Variants in PRKN observed in about 807,000 individuals in gnomAD.
PRKN encodes parkin RBR E3 ubiquitin protein ligase, also known as E3 ubiquitin-protein ligase parkin.
A neutral mutation model predicts 59.5 loss-of-function variants in PRKN; 56 were observed. The ratio of observed to expected loss-of-function variants is 0.94; its 90% confidence interval spans 0.76 to 1.18. PRKN has a LOEUF of 1.18. Among genes scored for constraint, PRKN ranks in the 50% most tolerant of loss-of-function variants. The probability of loss-of-function intolerance (pLI) is 0.00; values close to 1 mark genes in which losing one functional copy is unlikely to be tolerated. For synonymous variants in PRKN, 250 were observed against 222.1 expected, an observed-to-expected ratio of 1.13 and a Z score of -1.12; for missense variants, 657 against 596.4, an observed-to-expected ratio of 1.10 and a Z score of -1.06.
intron 2 of PRKN, among the ~76,000 whole-genome samples, chr6:162,357,248 G>A (rs764164328): frequency 1.3e-5 from 2 of 152,104 alleles, no homozygotes; most frequent in African/African-American, 4.8e-5. Flanking sequence ...TAGTATCCAA[G>A]ATATACAAAG....
Position 161,537,274 on chromosome 6 carries a change from T to C in PRKN, c.1083+11580A>G, listed in dbSNP as rs184499986. Among the ~76,000 whole-genome samples, 130 of 152,318 alleles carry C rather than the reference T, an allele frequency of 8.5e-4. 2 individuals carry two copies. The East Asian group carries it at 0.024, about 28-fold the overall frequency. On this transcript the variant is annotated intron_variant, in intron 9 of 11. Coordinates refer to ENST00000366898, the MANE Select transcript of PRKN (RefSeq NM_004562.3). ...AATTTCTCTTTCAGGACACATCCAT[T>C]CCAAGCTCTACATTCTTTAAAAATC...
rs183871923 is a variant in PRKN, at chr6:162,576,175, G to A, written c.8-132702C>T. On this transcript the variant is annotated intron_variant, in intron 1 of 11. Coordinates refer to ENST00000366898, the MANE Select transcript of PRKN (RefSeq NM_004562.3). ...ACCATATCCTGATTTCCAGTTTCCT[G>A]TCTACTATGTTCTCTCTCACCTATG... is the stretch of plus-strand genomic sequence containing the variant. Among the ~76,000 whole-genome samples the A allele has an allele frequency of 9.5e-4, 144 of 152,152 alleles. 1 individual carries two copies. In the Middle Eastern group the frequency reaches 0.014, roughly 14 times the overall value.
intron 6 of PRKN, among the ~76,000 whole-genome samples, chr6:161,911,206 A>G (rs968069784): frequency 1.1e-4 from 16 of 152,142 alleles, no homozygotes; most frequent in African/African-American, 3.9e-4. Context: ...CTCCCATCCT[A>G]TGGAGGCTGC....
rs150343663 is a variant in PRKN, at chr6:161,732,236, G to A, written c.871+53536C>T. Among the ~76,000 whole-genome samples the A allele has an allele frequency of 8.4e-3, 1,277 of 152,128 alleles. 15 individuals are homozygous for A. Among genetic ancestry groups the A allele is most frequent in the African/African-American group, 0.03 (1,226 of 41,510 alleles). On this transcript the variant is annotated intron_variant, in intron 7 of 11. Coordinates refer to ENST00000366898, the MANE Select transcript of PRKN (RefSeq NM_004562.3). Reference sequence around the variant, plus strand: ...TGAGTAGCTGGGATTACAGGTGTGTGCCACCATGCCTGGCTAATTTTTGTA... The same window carrying A: ...TGAGTAGCTGGGATTACAGGTGTGTACCACCATGCCTGGCTAATTTTTGTA...
intron 6 of PRKN, among the ~76,000 whole-genome samples, chr6:161,943,322 T>C (rs771801905): frequency 6.6e-6 from 1 of 152,244 alleles, no homozygotes. Flanking sequence ...ATTCATCAAA[T>C]GCTATCAATA....
intron 7 of PRKN, among the ~76,000 whole-genome samples, chr6:161,782,884 A>G (rs940686617): frequency 2.0e-5 from 3 of 152,048 alleles, no homozygotes; most frequent in Non-Finnish European, 2.9e-5. Context: ...ACAGAGCAAG[A>G]CTCCATCTCA....
intron 2 of PRKN, among the ~76,000 whole-genome samples, chr6:162,416,938 T>C (rs1019640553): frequency 6.6e-6 from 1 of 152,190 alleles, no homozygotes; most frequent in Non-Finnish European, 1.5e-5. Flanking sequence ...TGGTTCAGTC[T>C]TAAACTAAAC....
intron 6 of PRKN, among the ~76,000 whole-genome samples, chr6:161,942,030 T>C (rs1779585808): frequency 6.6e-6 from 1 of 152,192 alleles, no homozygotes; most frequent in Admixed American, 6.5e-5. Context: ...GGTTCTTGCA[T>C]GAACAGAGAA....
intron 1 of PRKN, among the ~76,000 whole-genome samples, chr6:162,647,733 C>A (rs1778239341): frequency 6.6e-6 from 1 of 151,962 alleles, no homozygotes; most frequent in Admixed American, 6.6e-5. Flanking sequence ...CTGCCACTCA[C>A]CAAGGAAGCA....
chr6:161,762,382 G>A (rs1789238032), intron 7 of PRKN, among the ~76,000 whole-genome samples: 1 of 152,154 alleles, frequency 6.6e-6, no homozygotes, highest in South Asian at 2.1e-4. Context: ...AAAGACAGAT[G>A]CACTAGAAAC....
chr6:162,640,926 T>C (rs548720490), intron 1 of PRKN, among the ~76,000 whole-genome samples: 1 of 152,134 alleles, frequency 6.6e-6, no homozygotes, highest in Non-Finnish European at 1.5e-5. Flanking sequence ...GTAAGACTCA[T>C]GGCGAAGGTC....
chr6:162,126,166 G>A (rs564240228), intron 4 of PRKN, among the ~76,000 whole-genome samples: 2 of 152,290 alleles, frequency 1.3e-5, no homozygotes, highest in Non-Finnish European at 2.9e-5. Context: ...AACAATGGCT[G>A]TGCTATATGC....
At chr6:162,110,343 G>T (rs188175073) in intron 4 of PRKN, among the ~76,000 whole-genome samples, 269 of 152,292 alleles carry the variant, frequency 1.8e-3, no homozygotes, top group South Asian at 5.0e-3. Flanking sequence ...ATGTCTAAAT[G>T]TAACAGCCAG....
intron 2 of PRKN, among the ~76,000 whole-genome samples, chr6:162,371,583 T>C (rs1562709092): frequency 6.6e-6 from 1 of 152,160 alleles, no homozygotes; most frequent in African/African-American, 2.4e-5. Flanking sequence ...CTGGTTGCTG[T>C]GAGGACCAAA....
intron 2 of PRKN, among the ~76,000 whole-genome samples, chr6:162,298,290 C>T (rs1781773978): frequency 6.6e-6 from 1 of 152,070 alleles, no homozygotes; most frequent in Admixed American, 6.5e-5. Flanking sequence ...TACCATCCAC[C>T]AGATGTCCCT....
intron 1 of PRKN, among the ~76,000 whole-genome samples, chr6:162,497,922 C>G (rs901435618): frequency 6.6e-6 from 1 of 152,008 alleles, no homozygotes; most frequent in African/African-American, 2.4e-5. Context: ...GTTCCCAACA[C>G]AAAGAAATTA....
chr6:161,902,061 C>T (rs1195897045), intron 6 of PRKN, among the ~76,000 whole-genome samples: 1 of 152,184 alleles, frequency 6.6e-6, no homozygotes, highest in East Asian at 1.9e-4. Flanking sequence ...AATTCCTCTA[C>T]CTCCATTTCA....
In PRKN at chr6:161,423,576, G is replaced by T. The variant is rs115656615; in HGVS notation, c.1084-36699C>A. 1.7e-4 allele frequency among the ~76,000 whole-genome samples: 26 copies of T among 152,278 alleles called. No individual in the cohort carries two copies. The highest frequency in any genetic ancestry group is 6.3e-4 in the African/African-American group (26 of 41,556). ...GCCAATGACAAGCAAGACATTTACA[G>T]ATTTAGATGACTTGTCAATCCCAAG... On this transcript the variant is annotated intron_variant, in intron 9 of 11. Transcript: ENST00000366898. This position sits in a 1 kb window ranked among gnomAD's most constrained non-coding sequence, Gnocchi z 5.9.
chr6:162,228,272 G>T (rs1220526280), intron 3 of PRKN, among the ~76,000 whole-genome samples: 2 of 152,220 alleles, frequency 1.3e-5, no homozygotes, highest in African/African-American at 4.8e-5. Context: ...TCATCATAAG[G>T]GCTGTGGAAT....
Sources: gnomAD v4.1 joint callset for allele counts (sites outside exome capture counted in the v4.1 genomes callset) on GRCh38, gnomAD v4.1.1 for gene constraint, Gnocchi (gnomAD v3.1) non-coding constraint, MANE v1.5 for transcripts, NCBI Gene and HGNC (gene_info 2026-07-23, HGNC 2026-07-21) for gene names.